MSRB1: variants seen among roughly 807,000 people sequenced by gnomAD.
MSRB1 encodes the protein methionine-R-sulfoxide reductase B1.
MSRB1 carries 13 observed loss-of-function variants against 15.2 expected under a neutral mutation model. That is an observed-to-expected ratio of 0.86 (90% CI 0.56 to 1.36). MSRB1 has a LOEUF of 1.36. MSRB1 is among the 40% of genes most tolerant of loss of function. The pLI is 0.00. For synonymous variants in MSRB1, 68 were observed against 64.5 expected (o/e 1.05, Z -0.26); for missense variants, 174 against 155.9 (o/e 1.12, Z -0.62).
At chr16:1,942,197 G>A (rs943682974) in intron 1 of MSRB1, among the ~76,000 whole-genome samples, 1 of 152,246 alleles carries the variant, frequency 6.6e-6, no homozygotes, top group Non-Finnish European at 1.5e-5. Context: ...AGCTGCTGTG[G>A]AAGTGGAGTT....
chr16:1,939,817 G>A (rs1040739639), intron 3 of MSRB1, among the ~76,000 whole-genome samples: 10 of 151,742 alleles, frequency 6.6e-5, no homozygotes, highest in East Asian at 5.8e-4. Context: ...AGCCAGGCGC[G>A]GTAGTGGGAG....
At chr16:1,942,771 C>T (rs530730692) in intron 1 of MSRB1, among the ~76,000 whole-genome samples, 1 of 152,342 alleles carries the variant, frequency 6.6e-6, no homozygotes, top group East Asian at 1.9e-4. Context: ...CCAGCGCCAT[C>T]ACTTTGGAGT....
At chr16:1,939,284 T>G (rs769246484) in intron 3 of MSRB1, 141 bp from the exon 4 acceptor site, 3 of 970,212 alleles carry the variant, frequency 3.1e-6, no homozygotes, top group Non-Finnish European at 3.0e-6. Flanking sequence ...TGCCGTTCCC[T>G]GCGCTTTCAC....
chr16:1,941,490 G>A (rs1218172618), intron 1 of MSRB1, 85 bp from the exon 2 acceptor site: 1 of 1,486,132 alleles, frequency 6.7e-7, no homozygotes. Flanking sequence ...CCCAGGCAAA[G>A]ACAGCGCTGC....
chr16:1,940,950 G>T, intron 2 of MSRB1, 58 bp from the exon 3 acceptor site: 1 of 1,610,124 alleles, frequency 6.2e-7, no homozygotes, highest in Non-Finnish European at 8.5e-7. Context: ...CCACAGTGAA[G>T]GCCCTTACTG....
chr16:1,943,129 C>T lies in MSRB1; in HGVS notation c.28G>A (p.Glu10Lys). 5 of 1,562,586 alleles carry T rather than the reference C, an allele frequency of 3.2e-6. No homozygotes were observed. The highest frequency in any genetic ancestry group is 4.3e-6 in the Non-Finnish European group (5 of 1,153,404). The change falls in exon 1 of 4, where the codon GAG becomes AAG. Residue 10 changes from glutamate to lysine, a missense_variant. Coordinates refer to ENST00000361871, the MANE Select transcript of MSRB1 (RefSeq NM_016332.4). Reference protein sequence around the residue: MSFCSFFGGEVFQNHFEPGV... With the variant: MSFCSFFGGKVFQNHFEPGV... ...GGTTCAAAGTGATTCTGGAAAACCTCGCCCCCGAAGAAGCTGCAGAACGAC... is the reference window on the plus strand; with the variant it reads ...GGTTCAAAGTGATTCTGGAAAACCTTGCCCCCGAAGAAGCTGCAGAACGAC...
Position 1,941,314 on chromosome 16 carries a change from GGTCTCGGTGAA to G in MSRB1, c.136_146del (p.Phe46HisfsTer14). 1.2e-6 allele frequency: 2 copies of G among 1,613,810 alleles called. No homozygotes were observed. The highest frequency in any genetic ancestry group is 1.7e-6 in the Non-Finnish European group (2 of 1,179,980). On this transcript the variant is annotated frameshift_variant, in exon 2 of 4. Coordinates refer to ENST00000361871, the MANE Select transcript of MSRB1 (RefSeq NM_016332.4). LOFTEE classifies it high-confidence loss of function. ...GCTTGGCCACGCTGTCGGCGTGAAT[GGTCTCGGTGAA>G]CGCCGGCCATGGAGACGAGTGTGCA...
rs547364942 is a variant in MSRB1 at position 1,939,051 on chromosome 16, T to C, written c.*61A>G. Reference sequence around the variant, plus strand: ...GACGCCCAGGGTTCCAACTCCAAGGTGGAATGGCCAACGTGTGGCCTCAGT... The same window carrying C: ...GACGCCCAGGGTTCCAACTCCAAGGCGGAATGGCCAACGTGTGGCCTCAGT... On this transcript the variant is annotated 3_prime_UTR_variant, in exon 4 of 4. Transcript: ENST00000361871. 3 of 1,598,802 alleles carry C rather than the reference T, an allele frequency of 1.9e-6. No individual in the cohort carries two copies. The South Asian group carries it at 3.3e-5, about 18-fold the overall frequency.
intron 3 of MSRB1, among the ~76,000 whole-genome samples, chr16:1,940,288 G>A: frequency 6.6e-6 from 1 of 151,142 alleles, no homozygotes; most frequent in South Asian, 2.1e-4. Flanking sequence ...AAAAAAAAAA[G>A]GATGAGGATT....
chr16:1,940,250 G>A (rs1001608027), intron 3 of MSRB1, among the ~76,000 whole-genome samples: 3 of 150,496 alleles, frequency 2.0e-5, no homozygotes, highest in Admixed American at 6.6e-5. Context: ...CAGCCTGCAC[G>A]ACAGAGCAAG....
rs747323193 is a variant in MSRB1 at position 1,939,089 on chromosome 16, T to C, written c.*23A>G. The C allele has an allele frequency of 1.4e-5, 22 of 1,612,694 alleles. No homozygotes were observed. In the East Asian group the frequency reaches 4.7e-4, roughly 34 times the overall value. ...GTGTGGCCTCAGTGTGGTGGCCGTC[T>C]GGGGTGGGTGTGGGCTGCCCGCCTA... is the stretch of plus-strand genomic sequence containing the variant. On this transcript the variant is annotated 3_prime_UTR_variant, in exon 4 of 4. Coordinates refer to ENST00000361871, the MANE Select transcript of MSRB1 (RefSeq NM_016332.4).
intron 1 of MSRB1, among the ~76,000 whole-genome samples, 168 bp downstream of exon 1, chr16:1,942,934 C>G (rs1281275527): frequency 6.6e-6 from 1 of 152,034 alleles, no homozygotes. Flanking sequence ...CGCCCCCAGG[C>G]TCCCCACTCC....
intron 1 of MSRB1, among the ~76,000 whole-genome samples, chr16:1,942,651 G>A (rs894061309): frequency 6.6e-6 from 1 of 152,260 alleles, no homozygotes; most frequent in African/African-American, 2.4e-5. Context: ...GAATGGGAAG[G>A]GCCAGGGTAA....
In MSRB1 at chr16:1,943,152, GA is replaced by G; in HGVS notation, c.4del (p.Ser2ArgfsTer66). The G allele has an allele frequency of 1.9e-6, 3 of 1,560,442 alleles. No homozygotes were observed. The highest frequency in any genetic ancestry group is 2.6e-6 in the Non-Finnish European group (3 of 1,152,378). On this transcript the variant is annotated frameshift_variant, in exon 1 of 4. Coordinates refer to ENST00000361871, the MANE Select transcript of MSRB1 (RefSeq NM_016332.4). LOFTEE classifies it high-confidence loss of function. The part of the protein sequence containing the change: M[S>X]FCSFFGGEVF... ...CTCGCCCCCGAAGAAGCTGCAGAAC[GA>G]CATGGCGCCACCGGAACCGCAGCGC...
chr16:1,942,225 G>A (rs1567306930), intron 1 of MSRB1, among the ~76,000 whole-genome samples: 1 of 152,218 alleles, frequency 6.6e-6, no homozygotes, highest in Non-Finnish European at 1.5e-5. Context: ...TGGCAGAGCA[G>A]CCTGAGGACA....
In MSRB1 at chr16:1,939,155, G is replaced by A; in HGVS notation, c.320-12C>T. The A allele has an allele frequency of 6.2e-7, 1 of 1,602,270 alleles. No individual in the cohort carries two copies. The highest frequency in any genetic ancestry group is 8.5e-7 in the Non-Finnish European group (1 of 1,176,446). ...AGAAGTTTCTTTGCCTGAAAGAGAG[G>A]AGAGGGGGCGGAAAGTATGCGGGGA... On this transcript the variant is annotated splice_polypyrimidine_tract_variant and intron_variant, in intron 3 of 3. Transcript: ENST00000361871.
At chr16:1,942,131 C>A (rs925110755) in intron 1 of MSRB1, among the ~76,000 whole-genome samples, 4 of 152,218 alleles carry the variant, frequency 2.6e-5, no homozygotes, top group African/African-American at 9.6e-5. Context: ...CCCCTGGAGA[C>A]TGTAAACTAC....
Position 1,939,010 on chromosome 16 carries a change from C to T in MSRB1, c.*102G>A. The T allele has an allele frequency of 2.1e-6, 3 of 1,449,678 alleles. No individual in the cohort carries two copies. Among genetic ancestry groups the T allele is most frequent in the Non-Finnish European group, 2.9e-6 (3 of 1,045,466 alleles). 89.8% of individuals were successfully genotyped at this position (1,449,678 alleles called of 1,614,324 possible). A position where few individuals can be genotyped will look rare whatever the true frequency, so the allele number is the denominator to read the frequency against. On this transcript the variant is annotated 3_prime_UTR_variant, in exon 4 of 4. Transcript: ENST00000361871. ...TGTCCTGATGTTTCAACCACTGCGC[C>T]CTGCCTTCCTGTCTCGACGCCCAGG...
At position 1,939,025 on chromosome 16, in the gene MSRB1, C is replaced by A; in HGVS notation, c.*87G>T. On this transcript the variant is annotated 3_prime_UTR_variant, in exon 4 of 4. Transcript: ENST00000361871. The stretch of plus-strand genomic sequence containing the variant: ...ACCACTGCGCCCTGCCTTCCTGTCT[C>A]GACGCCCAGGGTTCCAACTCCAAGG... 6.5e-7 allele frequency: 1 copy of A among 1,530,334 alleles called. No homozygotes were observed. The highest frequency in any genetic ancestry group is 9.0e-7 in the Non-Finnish European group (1 of 1,113,900). 94.8% of individuals were successfully genotyped at this position (1,530,334 alleles called of 1,614,324 possible). A position where few individuals can be genotyped will look rare whatever the true frequency, so the allele number is the denominator to read the frequency against.
Sources: allele counts gnomAD v4.1 joint callset (sites outside exome capture counted in the v4.1 genomes callset), GRCh38; gene constraint gnomAD v4.1.1; transcripts MANE v1.5; gene names NCBI Gene and HGNC (gene_info 2026-07-23, HGNC 2026-07-21).